Variants in PEX7 observed in about 807,000 individuals in gnomAD.
The protein encoded by PEX7 is peroxisomal biogenesis factor 7.
A neutral mutation model predicts 47.5 loss-of-function variants in PEX7; 34 were observed. The observed-to-expected ratio is 0.72, with a 90% CI of 0.54 to 0.95. The LOEUF (loss-of-function observed/expected upper bound fraction) is 0.95. PEX7 is among the 40% of genes least tolerant of loss of function. The pLI is 0.00. For synonymous variants in PEX7, 141 were observed against 148.8 expected (o/e 0.95, Z 0.38); for missense variants, 394 against 400.3 (o/e 0.98, Z 0.13).
At chr6:136,824,674 CAT>C (rs1195817185) in intron 1 of PEX7, among the ~76,000 whole-genome samples, 3 of 152,138 alleles carry the variant, frequency 2.0e-5, no homozygotes, top group African/African-American at 7.2e-5. Flanking sequence ...TGACAGGTAA[CAT>C]ATTAATACTG....
chr6:136,844,136 G>A (rs1774552962), intron 3 of PEX7, among the ~76,000 whole-genome samples: 3 of 152,094 alleles, frequency 2.0e-5, no homozygotes, highest in Admixed American at 6.5e-5. Flanking sequence ...AGGCTGAGGC[G>A]GTAGGACTGC....
intron 8 of PEX7, among the ~76,000 whole-genome samples, chr6:136,877,528 ATATGGC>A (rs1241783987): frequency 2.0e-5 from 3 of 152,212 alleles, no homozygotes; most frequent in African/African-American, 4.8e-5. Context: ...AGTTTTCTGC[ATATGGC>A]TAACCAGTTT....
At chr6:136,867,083 C>T (rs1775085562) in intron 6 of PEX7, among the ~76,000 whole-genome samples, 1 of 152,156 alleles carries the variant, frequency 6.6e-6, no homozygotes, top group Non-Finnish European at 1.5e-5. Flanking sequence ...GCTAGTCAGG[C>T]TGTTGAACTA....
chr6:136,893,445 A>C (rs1775591885), intron 8 of PEX7, among the ~76,000 whole-genome samples: 1 of 152,164 alleles, frequency 6.6e-6, no homozygotes. Context: ...CTCTTAAGTC[A>C]TCCTGCATTG....
At chr6:136,902,662 T>G (rs1484167730) in intron 9 of PEX7, among the ~76,000 whole-genome samples, 1 of 152,142 alleles carries the variant, frequency 6.6e-6, no homozygotes, top group Non-Finnish European at 1.5e-5. Flanking sequence ...AATTAGATAC[T>G]CTTTTTCTTT....
chr6:136,825,015 TAG>T (rs1554328755), intron 1 of PEX7, among the ~76,000 whole-genome samples, 197 bp from the exon 2 acceptor site: 1 of 152,146 alleles, frequency 6.6e-6, no homozygotes, highest in Non-Finnish European at 1.5e-5. Flanking sequence ...AAAACAGAAA[TAG>T]AGAACACATT....
chr6:136,841,592 T>A (rs933318113), intron 3 of PEX7, among the ~76,000 whole-genome samples: 1 of 152,166 alleles, frequency 6.6e-6, no homozygotes, highest in Admixed American at 6.5e-5. Context: ...TTTGTTTTGT[T>A]TTTGAGACAA....
chr6:136,892,485 A>C (rs1237380061), intron 8 of PEX7, among the ~76,000 whole-genome samples: 1 of 152,192 alleles, frequency 6.6e-6, no homozygotes, highest in Non-Finnish European at 1.5e-5. Flanking sequence ...GCTGCCATTT[A>C]TTAGCTCTAT....
At chr6:136,830,241 T>A (rs1199512491) in intron 3 of PEX7, 11 of 533,342 alleles carry the variant, frequency 2.1e-5, no homozygotes, top group Non-Finnish European at 3.3e-5. Context: ...AGACCAGCAT[T>A]GAATAAATAT....
At chr6:136,856,088 T>A (rs1426550562) in intron 5 of PEX7, among the ~76,000 whole-genome samples, 1 of 152,156 alleles carries the variant, frequency 6.6e-6, no homozygotes, top group African/African-American at 2.4e-5. Context: ...ATGAATTGTT[T>A]CTAGAGTGTT....
At chr6:136,848,405 A>G (rs917478883) in intron 5 of PEX7, among the ~76,000 whole-genome samples, 4 of 152,186 alleles carry the variant, frequency 2.6e-5, no homozygotes, top group African/African-American at 9.7e-5. Context: ...GAGAGAGGGC[A>G]TCCCTATCTT....
At chr6:136,907,624 GA>G (rs893171386) in intron 9 of PEX7, among the ~76,000 whole-genome samples, 1 of 151,072 alleles carries the variant, frequency 6.6e-6, no homozygotes, top group Non-Finnish European at 1.5e-5. Context: ...ACGAAATAGA[GA>G]AAAAAAGGGT....
chr6:136,871,695 A>G (rs576064991), intron 7 of PEX7, among the ~76,000 whole-genome samples: 1 of 152,066 alleles, frequency 6.6e-6, no homozygotes, highest in East Asian at 1.9e-4. Context: ...AGAAGCTGAG[A>G]TTATAGGCAT....
intron 8 of PEX7, among the ~76,000 whole-genome samples, chr6:136,888,654 T>C (rs1376446769): frequency 6.6e-6 from 1 of 152,166 alleles, no homozygotes; most frequent in Non-Finnish European, 1.5e-5. Flanking sequence ...AGGGTAGGAC[T>C]TGTCTGTTTT....
intron 5 of PEX7, among the ~76,000 whole-genome samples, chr6:136,848,491 A>G (rs1774673319): frequency 1.3e-5 from 2 of 152,166 alleles, no homozygotes; most frequent in Non-Finnish European, 2.9e-5. Context: ...TGGGTTTGTC[A>G]TAAATAGCTC....
At chr6:136,844,778 C>T (rs1358438675) in intron 3 of PEX7, among the ~76,000 whole-genome samples, 1 of 152,072 alleles carries the variant, frequency 6.6e-6, no homozygotes, top group Non-Finnish European at 1.5e-5. Flanking sequence ...CAGCCTCCAA[C>T]ATGGCTCAAT....
At chr6:136,856,234 G>A (rs995642824) in intron 5 of PEX7, among the ~76,000 whole-genome samples, 2 of 140,980 alleles carry the variant, frequency 1.4e-5, no homozygotes, top group Admixed American at 7.5e-5. Flanking sequence ...TTCATATGTT[G>A]TGTTAGAAAT....
chr6:136,900,076 G>T lies in PEX7; in HGVS notation c.903+1835G>T, dbSNP rs1454817711. Among the ~76,000 whole-genome samples, 4 of 152,218 alleles carry T rather than the reference G, an allele frequency of 2.6e-5. No individual in the cohort carries two copies. The highest frequency in any genetic ancestry group is 5.9e-5 in the Non-Finnish European group (4 of 68,034). On this transcript the variant is annotated intron_variant, in intron 9 of 9. Coordinates refer to ENST00000318471, the MANE Select transcript of PEX7 (RefSeq NM_000288.4). The surrounding 1 kb of genome is among the most constrained non-coding windows in gnomAD (Gnocchi z 4.2). ...CAGACTAGAACCTGTGGCAGCAGCTGCAGCGCCTCCATTTCCTCAGCTATG... is the reference window on the plus strand; with the variant it reads ...CAGACTAGAACCTGTGGCAGCAGCTTCAGCGCCTCCATTTCCTCAGCTATG...
At chr6:136,913,126 T>G (rs1026380611) in intron 9 of PEX7, among the ~76,000 whole-genome samples, 2 of 152,252 alleles carry the variant, frequency 1.3e-5, no homozygotes, top group African/African-American at 4.8e-5. Flanking sequence ...GTCTGGAACG[T>G]ATCTTTTCGA....
Sources: gnomAD v4.1 joint callset for allele counts (sites outside exome capture counted in the v4.1 genomes callset) on GRCh38, gnomAD v4.1.1 for gene constraint, Gnocchi (gnomAD v3.1) non-coding constraint, MANE v1.5 for transcripts, NCBI Gene and HGNC (gene_info 2026-07-23, HGNC 2026-07-21) for gene names.